FLT4: variants seen among roughly 807,000 people sequenced by gnomAD.
FLT4 encodes fms related receptor tyrosine kinase 4.
A neutral mutation model predicts 163.2 loss-of-function variants in FLT4; 30 were observed. That is an observed-to-expected ratio of 0.18 (90% CI 0.14 to 0.25). The LOEUF (loss-of-function observed/expected upper bound fraction) is 0.25. FLT4 is among the 10% of genes least tolerant of loss of function. The probability of loss-of-function intolerance (pLI) is 1.00; values close to 1 mark genes in which losing one functional copy is unlikely to be tolerated. For missense variants in FLT4, 1,510 were observed against 1,863.8 expected (o/e 0.81, Z 3.50); for synonymous variants, 884 against 789.5 (o/e 1.12, Z -2.01).
intron 1 of FLT4, among the ~76,000 whole-genome samples, chr5:180,648,907 C>T (rs1240214313): frequency 1.3e-5 from 2 of 152,206 alleles, no homozygotes; most frequent in East Asian, 3.9e-4. Context: ...TCTCAAGTGC[C>T]AGCGTGCACC....
intron 24 of FLT4, 147 bp downstream of exon 24, chr5:180,613,921 C>A: frequency 4.2e-6 from 3 of 710,520 alleles, no homozygotes; most frequent in Non-Finnish European, 5.1e-6. Context: ...AGGTGGGGGG[C>A]CCTTGGTGGC....
At chr5:180,621,470 C>T in intron 13 of FLT4, 72 bp downstream of exon 13, 1 of 1,579,158 alleles carries the variant, frequency 6.3e-7, no homozygotes, top group South Asian at 1.1e-5. Context: ...GGGCGAGCCA[C>T]GCCGGGGCAA....
At chr5:180,614,015 T>G in intron 24 of FLT4, 53 bp downstream of exon 24, 1 of 1,265,942 alleles carries the variant, frequency 7.9e-7, no homozygotes, top group East Asian at 2.3e-5. Flanking sequence ...TCATGTAACC[T>G]GCCGCCAGTG....
chr5:180,618,699 T>C lies in FLT4; in HGVS notation c.3001+71A>G. 3.4e-6 allele frequency: 5 copies of C among 1,488,764 alleles called. No individual in the cohort carries two copies. In the South Asian group the frequency reaches 6.1e-5, roughly 18 times the overall value. 92.2% of individuals were successfully genotyped at this position (1,488,764 alleles called of 1,614,324 possible). ...AAAGCCCCCGCTGAGGACCCCAGGC[T>C]GGGGTGCCTGATCACGGGATATAAC... is the stretch of plus-strand genomic sequence containing the variant. On this transcript the variant is annotated intron_variant, in intron 21 of 29. Transcript: ENST00000261937.
At chr5:180,610,344 G>C (rs1762078227) in intron 27 of FLT4, among the ~76,000 whole-genome samples, 1 of 152,260 alleles carries the variant, frequency 6.6e-6, no homozygotes, top group Admixed American at 6.5e-5. Flanking sequence ...GGGCCAGCCA[G>C]GCAGCCCTGG....
In FLT4 at chr5:180,613,884, T is replaced by C. The variant is rs539583348; in HGVS notation, c.3331+184A>G. The C allele has an allele frequency of 4.4e-3, 2,932 of 669,486 alleles. 21 individuals are homozygous for C. The highest frequency in any genetic ancestry group is 6.3e-3 in the Non-Finnish European group (2,293 of 364,770). 41.5% of individuals were successfully genotyped at this position (669,486 alleles called of 1,614,324 possible). On this transcript the variant is annotated intron_variant, in intron 24 of 29. Coordinates refer to ENST00000261937, the MANE Select transcript of FLT4 (RefSeq NM_182925.5). ...GTGGCCCACGTTGGAGGCAAAGTCC[T>C]CTCGGAGGCTGGGCCAGGCTGGGGA...
chr5:180,606,720 G>A (rs1561687359), intron 29 of FLT4, among the ~76,000 whole-genome samples: 1 of 152,212 alleles, frequency 6.6e-6, no homozygotes, highest in African/African-American at 2.4e-5. Context: ...AGCTATTTCC[G>A]TAAATGTGAC....
intron 26 of FLT4, among the ~76,000 whole-genome samples, chr5:180,612,179 G>A (rs1762257552): frequency 6.6e-6 from 1 of 152,192 alleles, no homozygotes; most frequent in African/African-American, 2.4e-5. Context: ...GGCACCAGGT[G>A]AAGGAATACA....
Position 180,611,315 on chromosome 5 carries a change from C to A in FLT4, c.3686+16G>T. On this transcript the variant is annotated intron_variant, in intron 27 of 29. Coordinates refer to ENST00000261937, the MANE Select transcript of FLT4 (RefSeq NM_182925.5). ...GCTTTCTCCCACCCTACTCCTGGAC[C>A]TGCAGGACAGCTGACCTGGCGGCCA... 3 of 1,613,766 alleles carry A rather than the reference C, an allele frequency of 1.9e-6. No homozygotes were observed. Among genetic ancestry groups the A allele is most frequent in the Non-Finnish European group, 2.5e-6 (3 of 1,179,960 alleles).
rs3797105 is a variant in FLT4 at position 180,624,937 on chromosome 5, G to T, written c.1422-876C>A. Among the ~76,000 whole-genome samples the T allele has an allele frequency of 6.6e-3, 1,003 of 152,334 alleles. 47 individuals carry two copies. In the East Asian group the frequency reaches 0.15, roughly 23 times the overall value. ...CCATCACTTGGCACAGAGCATACAG[G>T]TGGCACACCCAGAAGGAAGGACATT... is the stretch of plus-strand genomic sequence containing the variant. On this transcript the variant is annotated intron_variant, in intron 10 of 29. Transcript: ENST00000261937.
rs145063070 is a variant in FLT4, at chr5:180,620,599, G to T, written c.2406+10C>A. On this transcript the variant is annotated intron_variant, in intron 16 of 29. Coordinates refer to ENST00000261937, the MANE Select transcript of FLT4 (RefSeq NM_182925.5). The surrounding 1 kb of genome is among the most constrained non-coding windows in gnomAD (Gnocchi z 4.4). Reference sequence around the variant, plus strand: ...GAGAGACTCCATCAGGAGCGGGGAGGGACACTCACCCTCCTCATGTTACAG... The same window carrying T: ...GAGAGACTCCATCAGGAGCGGGGAGTGACACTCACCCTCCTCATGTTACAG... 1 of 1,592,172 alleles carries T rather than the reference G, an allele frequency of 6.3e-7. No homozygotes were observed. Among genetic ancestry groups the T allele is most frequent in the East Asian group, 2.2e-5 (1 of 44,724 alleles).
In FLT4 at chr5:180,629,974, G is replaced by GA; in HGVS notation, c.644dup (p.Leu216ProfsTer16). The GA allele has an allele frequency of 6.2e-7, 1 of 1,612,874 alleles. No homozygotes were observed. The highest frequency in any genetic ancestry group is 8.5e-7 in the Non-Finnish European group (1 of 1,180,012). The stretch of plus-strand genomic sequence containing the variant: ...TGTGCACCAGGAAGGGGTTGGAAAG[G>GA]AAGTCCTGGTCTCCCCAGGTGGTCT... On this transcript the variant is annotated frameshift_variant, in exon 5 of 30. Transcript: ENST00000261937. LOFTEE classifies it high-confidence loss of function.
At chr5:180,643,563 A>G (rs80035796) in intron 1 of FLT4, among the ~76,000 whole-genome samples, 6,006 of 152,032 alleles carry the variant, frequency 0.04, 166 homozygotes, top group South Asian at 0.12. Flanking sequence ...TTTCTAGAAC[A>G]CAAGTCCCTC....
chr5:180,633,125 TG>T (rs1764309361), intron 1 of FLT4, among the ~76,000 whole-genome samples: 1 of 152,134 alleles, frequency 6.6e-6, no homozygotes, highest in Non-Finnish European at 1.5e-5. Flanking sequence ...CAAGCCACCC[TG>T]GGACGCAGCA....
At position 180,605,433 on chromosome 5, in the gene FLT4, C is replaced by A. The variant is rs578201076; in HGVS notation, c.3894-2043G>T. Among the ~76,000 whole-genome samples the A allele has an allele frequency of 1.8e-4, 27 of 152,254 alleles. No homozygotes were observed. The South Asian group carries it at 5.4e-3, about 30-fold the overall frequency. On this transcript the variant is annotated intron_variant, in intron 29 of 29. Transcript: ENST00000261937. ...ATGTTGGAGCATTTTGCTCGTTTTC[C>A]TGTTTCTTTTGAACAATTGTCTACC...
chr5:180,616,222 C>T, intron 23 of FLT4, 145 bp downstream of exon 23: 1 of 1,174,838 alleles, frequency 8.5e-7, no homozygotes, highest in Non-Finnish European at 1.2e-6. Flanking sequence ...GGCAGGAGGT[C>T]CACCAGCAGC....
At position 180,615,121 on chromosome 5, in the gene FLT4, A is replaced by G. The variant is rs527665976; in HGVS notation, c.3220-942T>C. Among the ~76,000 whole-genome samples, 149 of 152,176 alleles carry G rather than the reference A, an allele frequency of 9.8e-4. 1 individual carries two copies. The highest frequency in any genetic ancestry group is 3.4e-3 in the African/African-American group (142 of 41,528). ...CGGGGCAAAGACAAGCTCCAATCAGAACAAGCTCCAATCGGAGCACTGCGG... is the reference window on the plus strand; with the variant it reads ...CGGGGCAAAGACAAGCTCCAATCAGGACAAGCTCCAATCGGAGCACTGCGG... On this transcript the variant is annotated intron_variant, in intron 23 of 29. Coordinates refer to ENST00000261937, the MANE Select transcript of FLT4 (RefSeq NM_182925.5).
In FLT4 at chr5:180,630,262, A is replaced by G. The variant is rs2127837116; in HGVS notation, c.476T>C (p.Leu159Pro). The change falls in exon 4 of 30, where the codon CTG becomes CCG. Residue 159 changes from leucine (L) to proline (P), a missense_variant. Coordinates refer to ENST00000261937, the MANE Select transcript of FLT4 (RefSeq NM_182925.5). This position sits in a 1 kb window ranked among gnomAD's most constrained non-coding sequence, Gnocchi z 6.3. ...GACATTGAGGCCGGGGATGGACACC[A>G]GACAGGGCACCCACATGGCGTCCTT... is the stretch of plus-strand genomic sequence containing the variant. ...NRKDAMWVPC[L>P]VSIPGLNVTL... 6.2e-7 allele frequency: 1 copy of G among 1,612,710 alleles called. No homozygotes were observed. The highest frequency in any genetic ancestry group is 8.5e-7 in the Non-Finnish European group (1 of 1,179,980).
intron 1 of FLT4, among the ~76,000 whole-genome samples, chr5:180,642,530 C>T (rs1765206952): frequency 6.6e-6 from 1 of 152,086 alleles, no homozygotes; most frequent in African/African-American, 2.4e-5. Flanking sequence ...CAGCCGGCCT[C>T]GGGCCCTGTC....
Sources: gnomAD v4.1 joint callset for allele counts (sites outside exome capture counted in the v4.1 genomes callset) on GRCh38, gnomAD v4.1.1 for gene constraint, Gnocchi (gnomAD v3.1) non-coding constraint, MANE v1.5 for transcripts, NCBI Gene and HGNC (gene_info 2026-07-23, HGNC 2026-07-21) for gene names.